The following WASF2 variants were observed in gnomAD, a reference collection of about 807,000 sequenced individuals.
The protein encoded by WASF2 is actin-binding protein WASF2.
A neutral mutation model predicts 45.0 loss-of-function variants in WASF2; 14 were observed. That is an observed-to-expected ratio of 0.31 (90% CI 0.21 to 0.49). The LOEUF (loss-of-function observed/expected upper bound fraction) is 0.49, where lower values mean the gene tolerates loss of function less well. Among genes scored for constraint, WASF2 ranks in the 20% least tolerant of loss-of-function variants. The probability of loss-of-function intolerance (pLI) is 0.99; values close to 1 mark genes in which losing one functional copy is unlikely to be tolerated. For synonymous variants in WASF2, 200 were observed against 236.3 expected, an observed-to-expected ratio of 0.85 and a Z score of 1.41; for missense variants, 439 against 636.1, an observed-to-expected ratio of 0.69 and a Z score of 3.33.
chr1:27,468,036 C>A (rs1303207563), intron 1 of WASF2, among the ~76,000 whole-genome samples: 1 of 152,020 alleles, frequency 6.6e-6, no homozygotes, highest in Non-Finnish European at 1.5e-5. Context: ...TGGGTTAAAG[C>A]AATTCTCGTG....
intron 1 of WASF2, among the ~76,000 whole-genome samples, chr1:27,481,511 C>T (rs903189028): frequency 6.6e-6 from 1 of 151,736 alleles, no homozygotes; most frequent in Non-Finnish European, 1.5e-5. Context: ...CCAGCCTGGC[C>T]AACATGACAA....
At chr1:27,408,379 C>T (rs767813932) in intron 8 of WASF2, 33 bp from the exon 9 acceptor site, 18 of 1,613,292 alleles carry the variant, frequency 1.1e-5, no homozygotes, top group Non-Finnish European at 1.4e-5. Flanking sequence ...GTGAGGAAGG[C>T]GTGTCCTCAG....
At chr1:27,420,514 C>CTTTTTTTTTT (rs782294669) in intron 2 of WASF2, among the ~76,000 whole-genome samples, 3 of 82,490 alleles carry the variant, frequency 3.6e-5, no homozygotes, top group Non-Finnish European at 4.0e-5. Context: ...ACCATCTGAG[C>CTTTTTTTTTT]TTTTTTTTTT....
intron 1 of WASF2, among the ~76,000 whole-genome samples, chr1:27,452,192 T>C (rs1307980179): frequency 6.6e-6 from 1 of 152,234 alleles, no homozygotes; most frequent in African/African-American, 2.4e-5. Flanking sequence ...TGCTTTAAAA[T>C]TATTTAGAGA....
intron 1 of WASF2, among the ~76,000 whole-genome samples, chr1:27,471,344 CAA>C (rs35393807): frequency 0.02 from 1,067 of 53,104 alleles, 5 homozygotes; most frequent in African/African-American, 0.063. Flanking sequence ...GACTCTGTCT[CAA>C]AAAAAAAAAA....
Position 27,410,018 on chromosome 1 carries a change from G to A in WASF2, c.1013C>T (p.Pro338Leu), listed in dbSNP as rs1461603635. 1.9e-6 allele frequency: 3 copies of A among 1,613,826 alleles called. No homozygotes were observed. Among genetic ancestry groups the A allele is most frequent in the African/African-American group, 1.3e-5 (1 of 74,888 alleles). Residue 338 changes from proline to leucine, a missense_variant, in exon 8 of 9, where the codon CCT (proline) becomes CTT (leucine). Coordinates refer to ENST00000618852, the MANE Select transcript of WASF2 (RefSeq NM_006990.5). The surrounding 1 kb of genome is among the most constrained non-coding windows in gnomAD (Gnocchi z 4.2). ...PMIGIPPPPP[P>L]VGFGSPGTPP... ...CGTCCCTGGAGACCCAAATCCTACA[G>A]GCGGTGGTGGAGGTGGGATGCCTAT...
chr1:27,409,735 G>A lies in WASF2; in HGVS notation c.1296C>T (p.Ala432=), dbSNP rs760880272. The change falls in exon 8 of 9, where the codon GCC becomes GCT. Residue 432 remains alanine, a synonymous_variant. Coordinates refer to ENST00000618852, the MANE Select transcript of WASF2 (RefSeq NM_006990.5). ...GCAGGTCGCTACGGGCATCGCTCAC[G>A]GCAGGCAAGGAGGACTTGGGCTTGG... ...DTTKPKSSLP[A]VSDARSDLLS... 1.6e-5 allele frequency: 24 copies of A among 1,516,916 alleles called. No homozygotes were observed. In the East Asian group the frequency reaches 1.8e-4, roughly 12 times the overall value. The allele number at this position is 1,516,916 out of a possible 1,614,324, so 94.0% of individuals were successfully genotyped here. A position where few individuals can be genotyped will look rare whatever the true frequency, so the allele number is the denominator to read the frequency against.
intron 7 of WASF2, among the ~76,000 whole-genome samples, 166 bp downstream of exon 7, chr1:27,412,406 C>T (rs560776178): frequency 6.6e-6 from 1 of 152,226 alleles, no homozygotes; most frequent in South Asian, 2.1e-4. Context: ...TGAAGTCTTG[C>T]TATGTTACCC....
At chr1:27,448,954 T>TC (rs1433783189) in intron 1 of WASF2, among the ~76,000 whole-genome samples, 1 of 151,914 alleles carries the variant, frequency 6.6e-6, no homozygotes, top group Non-Finnish European at 1.5e-5. Context: ...CTACAGACCT[T>TC]CCCATCACAC....
intron 4 of WASF2, among the ~76,000 whole-genome samples, chr1:27,416,716 G>C (rs1205864875): frequency 1.3e-5 from 2 of 152,224 alleles, no homozygotes; most frequent in Non-Finnish European, 2.9e-5. Context: ...GAGGGCTCCA[G>C]TGAGAAAAGA....
At chr1:27,466,833 A>G (rs1210729361) in intron 1 of WASF2, among the ~76,000 whole-genome samples, 1 of 152,012 alleles carries the variant, frequency 6.6e-6, no homozygotes, top group Non-Finnish European at 1.5e-5. Context: ...TCCAGCCTGA[A>G]AAACAGAGTG....
intron 1 of WASF2, among the ~76,000 whole-genome samples, chr1:27,443,361 C>T (rs981673002): frequency 1.3e-5 from 2 of 150,386 alleles, no homozygotes; most frequent in African/African-American, 4.9e-5. Context: ...TGCCTGTAGT[C>T]CCAGCACTTC....
rs886821047 is a variant in WASF2, at chr1:27,424,031, C to T, written c.130+4730G>A. Among the ~76,000 whole-genome samples, 7 of 152,010 alleles carry T rather than the reference C, an allele frequency of 4.6e-5. No homozygotes were observed. The East Asian group carries it at 9.6e-4, about 21-fold the overall frequency. On this transcript the variant is annotated intron_variant, in intron 2 of 8. Transcript: ENST00000618852. ...CCTGTATTTCCTAAGATACAGCAAC[C>T]GAATATGCGAAATGCCAATCTCACT...
At position 27,404,348 on chromosome 1, in the gene WASF2, A is replaced by G. The variant is rs1413278113; in HGVS notation, c.*3841T>C. 2.6e-5 allele frequency: 4 copies of G among 152,262 alleles called. No homozygotes were observed. Among genetic ancestry groups the G allele is most frequent in the African/African-American group, 9.6e-5 (4 of 41,462 alleles). 9.4% of individuals were successfully genotyped at this position (152,262 alleles called of 1,614,324 possible). On this transcript the variant is annotated 3_prime_UTR_variant, in exon 9 of 9. Transcript: ENST00000618852. ...GCACAAATGTGGTATACACACGATG[A>G]GCCTGGCAGGGAAGCAAATGAGACC...
At chr1:27,424,437 C>T (rs1389372395) in intron 2 of WASF2, among the ~76,000 whole-genome samples, 1 of 152,116 alleles carries the variant, frequency 6.6e-6, no homozygotes, top group East Asian at 1.9e-4. Context: ...GTGAATTATT[C>T]GACATTTACT....
chr1:27,439,742 G>A (rs1044485019), intron 1 of WASF2, among the ~76,000 whole-genome samples: 4 of 152,090 alleles, frequency 2.6e-5, no homozygotes, highest in African/African-American at 9.7e-5. Context: ...GCTCATGCCT[G>A]TAATCCCAGC....
chr1:27,434,245 GCATTTATGAA>G (rs1160045367), intron 1 of WASF2, among the ~76,000 whole-genome samples: 1 of 152,156 alleles, frequency 6.6e-6, no homozygotes, highest in Non-Finnish European at 1.5e-5. Flanking sequence ...GAAATTTCTA[GCATTTATGAA>G]GGTGTTGGAA....
chr1:27,409,426 C>CAT (rs2016727868), intron 8 of WASF2, among the ~76,000 whole-genome samples: 1 of 34,392 alleles, frequency 2.9e-5, no homozygotes, highest in Non-Finnish European at 5.2e-5. Context: ...CTCTGTCCCC[C>CAT]ACAAAAAAAA....
rs574421308 is a variant in WASF2 at position 27,413,082 on chromosome 1, G to A, written c.669-355C>T. ...ACCTGAATCCCAAAGTCTGTCCTGT[G>A]ACAAATGTGAAGCCAAGTCTCAGAG... On this transcript the variant is annotated intron_variant, in intron 6 of 8. Transcript: ENST00000618852. Among the ~76,000 whole-genome samples the A allele has an allele frequency of 1.5e-3, 230 of 152,280 alleles. 2 individuals carry two copies. Among genetic ancestry groups the A allele is most frequent in the African/African-American group, 5.2e-3 (216 of 41,540 alleles).
Sources: gnomAD v4.1 joint callset for allele counts (sites outside exome capture counted in the v4.1 genomes callset) on GRCh38, gnomAD v4.1.1 for gene constraint, Gnocchi (gnomAD v3.1) non-coding constraint, MANE v1.5 for transcripts, NCBI Gene and HGNC (gene_info 2026-07-23, HGNC 2026-07-21) for gene names.